The following EVX2 variants were observed in gnomAD, a reference collection of about 807,000 sequenced individuals.
EVX2 encodes homeobox even-skipped homolog protein 2.
In EVX2, 10 loss-of-function variants were observed where a neutral mutation model predicts 19.2. The observed-to-expected ratio is 0.52, with a 90% CI of 0.32 to 0.89. EVX2 has a LOEUF of 0.89. Ranked by LOEUF, EVX2 falls within the 40% of genes least tolerant of loss-of-function variation. The probability of loss-of-function intolerance (pLI) is 0.03; values close to 1 mark genes in which losing one functional copy is unlikely to be tolerated. For synonymous variants in EVX2, 354 were observed against 328.4 expected, an observed-to-expected ratio of 1.08 and a Z score of -0.84; for missense variants, 710 against 694.9, an observed-to-expected ratio of 1.02 and a Z score of -0.24.
In EVX2 at chr2:176,077,976, A is replaced by G. The variant is rs191041336; in HGVS notation, c.*2131T>C. 1.6e-4 allele frequency: 24 copies of G among 152,256 alleles called. No homozygotes were observed. Among genetic ancestry groups the G allele is most frequent in the African/African-American group, 5.8e-4 (24 of 41,572 alleles). 9.4% of individuals were successfully genotyped at this position (152,256 alleles called of 1,614,324 possible). On this transcript the variant is annotated 3_prime_UTR_variant, in exon 3 of 3. Coordinates refer to ENST00000308618, the MANE Select transcript of EVX2 (RefSeq NM_001080458.2). ...AAAACTTAAGTTTTAGATCATTGCTATTTCATTGGAAAGTTCTCTAATATT... is the reference window on the plus strand; with the variant it reads ...AAAACTTAAGTTTTAGATCATTGCTGTTTCATTGGAAAGTTCTCTAATATT...
rs928380937 is a variant in EVX2, at chr2:176,081,898, C to T, written c.699+280G>A. 3.9e-5 allele frequency among the ~76,000 whole-genome samples: 6 copies of T among 152,244 alleles called. No homozygotes were observed. The highest frequency in any genetic ancestry group is 1.4e-4 in the African/African-American group (6 of 41,536). The stretch of plus-strand genomic sequence containing the variant: ...GGGAAAGTGGGGCCGTGGGTATGGG[C>T]GAGGGGGCATCTGGCCAGGCGTTGG... On this transcript the variant is annotated intron_variant, in intron 2 of 2. Transcript: ENST00000308618. This position sits in a 1 kb window ranked among gnomAD's most constrained non-coding sequence, Gnocchi z 5.9.
In EVX2 at chr2:176,080,108, T is replaced by C; in HGVS notation, c.1430A>G (p.Ter477=). The change falls in exon 3 of 3, where the codon TAA becomes TGA. Residue 477 remains the stop codon, a stop_retained_variant. Coordinates refer to ENST00000308618, the MANE Select transcript of EVX2 (RefSeq NM_001080458.2). The surrounding 1 kb of genome is among the most constrained non-coding windows in gnomAD (Gnocchi z 7.0). ...GGCCCCCTGGCGGTGGCGACGTAGT[T>C]ATCTGGTGAGCGGAGCCTCGTCCCT... ...DQRDEAPLTR[*] 1 of 1,539,330 alleles carries C rather than the reference T, an allele frequency of 6.5e-7. No homozygotes were observed. Among genetic ancestry groups the C allele is most frequent in the Non-Finnish European group, 8.7e-7 (1 of 1,147,142 alleles).
rs1025957674 is a variant in EVX2, at chr2:176,081,162, T to G, written c.700-324A>C. On this transcript the variant is annotated intron_variant, in intron 2 of 2. Coordinates refer to ENST00000308618, the MANE Select transcript of EVX2 (RefSeq NM_001080458.2). This position sits in a 1 kb window ranked among gnomAD's most constrained non-coding sequence, Gnocchi z 5.9. Reference sequence around the variant, plus strand: ...TCCTCTCCCTCCCGCCACCCACCAGTGCCGGTCTCGCTGAGCACCCGTCTC... The same window carrying G: ...TCCTCTCCCTCCCGCCACCCACCAGGGCCGGTCTCGCTGAGCACCCGTCTC... 6.6e-6 allele frequency among the ~76,000 whole-genome samples: 1 copy of G among 152,152 alleles called. No homozygotes were observed. Among genetic ancestry groups the G allele is most frequent in the Non-Finnish European group, 1.5e-5 (1 of 68,032 alleles).
chr2:176,083,451 G>A lies in EVX2; in HGVS notation c.326C>T (p.Ala109Val). 1 of 1,614,082 alleles carries A rather than the reference G, an allele frequency of 6.2e-7. No individual in the cohort carries two copies. The highest frequency in any genetic ancestry group is 8.5e-7 in the Non-Finnish European group (1 of 1,180,014). ...GTCGCTGCTCATGTCGGCCTCAGCG[G>A]CCGCCTCTGAATAATGGCCCGGCTT... is the stretch of plus-strand genomic sequence containing the variant. ...RKKPGHYSEAAAEADMSSDVE... is the reference protein window; with the variant it reads ...RKKPGHYSEAVAEADMSSDVE... Residue 109 changes from alanine to valine, a missense_variant, in exon 1 of 3, where the codon GCC becomes GTC. Ala to Val is a moderately conservative substitution (Grantham distance 64). Transcript: ENST00000308618. This position sits in a 1 kb window ranked among gnomAD's most constrained non-coding sequence, Gnocchi z 4.4.
At position 176,077,738 on chromosome 2, in the gene EVX2, G is replaced by C. The variant is rs986793544; in HGVS notation, c.*2369C>G. 2 of 152,054 alleles carry C rather than the reference G, an allele frequency of 1.3e-5. No individual in the cohort carries two copies. The highest frequency in any genetic ancestry group is 2.4e-5 in the African/African-American group (1 of 41,390). The allele number at this position is 152,054 out of a possible 1,614,324, so 9.4% of individuals were successfully genotyped here. ...TTTTGGGGGAAATGTAAACATTACT[G>C]CCTAAAGTACCTTATATACATCTGT... is the stretch of plus-strand genomic sequence containing the variant. On this transcript the variant is annotated 3_prime_UTR_variant, in exon 3 of 3. Coordinates refer to ENST00000308618, the MANE Select transcript of EVX2 (RefSeq NM_001080458.2).
At position 176,080,096 on chromosome 2, in the gene EVX2, TGGCGACG is replaced by T. The variant is rs1689109016; in HGVS notation, c.*4_*10del. The T allele has an allele frequency of 6.6e-7, 1 of 1,516,304 alleles. No homozygotes were observed. The highest frequency in any genetic ancestry group is 8.8e-7 in the Non-Finnish European group (1 of 1,135,804). 93.9% of individuals were successfully genotyped at this position (1,516,304 alleles called of 1,614,324 possible). A position where few individuals can be genotyped will look rare whatever the true frequency, so the allele number is the denominator to read the frequency against. ...AGAGGCGGGCGCGGCCCCCTGGCGG[TGGCGACG>T]TAGTTATCTGGTGAGCGGAGCCTCG... On this transcript the variant is annotated 3_prime_UTR_variant, in exon 3 of 3. Coordinates refer to ENST00000308618, the MANE Select transcript of EVX2 (RefSeq NM_001080458.2). This position sits in a 1 kb window ranked among gnomAD's most constrained non-coding sequence, Gnocchi z 7.0.
rs1456742977 is a variant in EVX2, at chr2:176,083,852, A to C, written c.-76T>G. Reference sequence around the variant, plus strand: ...TAGGCTGCGCCTAGGGCTAATTCTCATTCAGCCCCAGCGAACGCCTCTAAA... The same window carrying C: ...TAGGCTGCGCCTAGGGCTAATTCTCCTTCAGCCCCAGCGAACGCCTCTAAA... On this transcript the variant is annotated 5_prime_UTR_variant, in exon 1 of 3. The change abolishes an upstream ATG in the 5' untranslated region. Transcript: ENST00000308618. This position sits in a 1 kb window ranked among gnomAD's most constrained non-coding sequence, Gnocchi z 4.4. 3 of 1,297,212 alleles carry C rather than the reference A, an allele frequency of 2.3e-6. No homozygotes were observed. The highest frequency in any genetic ancestry group is 4.2e-5 in the Admixed American group (2 of 47,476). The allele number at this position is 1,297,212 out of a possible 1,614,324, so 80.4% of individuals were successfully genotyped here. A position where few individuals can be genotyped will look rare whatever the true frequency, so the allele number is the denominator to read the frequency against.
rs1460820045 is a variant in EVX2 at position 176,083,133 on chromosome 2, G to T, written c.427+217C>A. Among the ~76,000 whole-genome samples, 1 of 152,108 alleles carries T rather than the reference G, an allele frequency of 6.6e-6. No individual in the cohort carries two copies. The highest frequency in any genetic ancestry group is 1.5e-5 in the Non-Finnish European group (1 of 68,028). ...AGGAGCGAGGGCGGGTGGGCCTGGT[G>T]TTCCAGGCTCCGCAGGCCTGAGCCT... On this transcript the variant is annotated intron_variant, in intron 1 of 2. Coordinates refer to ENST00000308618, the MANE Select transcript of EVX2 (RefSeq NM_001080458.2). This position sits in a 1 kb window ranked among gnomAD's most constrained non-coding sequence, Gnocchi z 4.4.
rs1413093588 is a variant in EVX2, at chr2:176,078,097, A to G, written c.*2010T>C. 3.9e-5 allele frequency: 6 copies of G among 152,204 alleles called. No individual in the cohort carries two copies. The highest frequency in any genetic ancestry group is 7.4e-5 in the Non-Finnish European group (5 of 68,018). 9.4% of individuals were successfully genotyped at this position (152,204 alleles called of 1,614,324 possible). On this transcript the variant is annotated 3_prime_UTR_variant, in exon 3 of 3. Coordinates refer to ENST00000308618, the MANE Select transcript of EVX2 (RefSeq NM_001080458.2). ...TGGAAATAATTTCTCCTGGAAAACT[A>G]ATTCTTTCAAAAGTTTACTGAAAGC... is the stretch of plus-strand genomic sequence containing the variant.
chr2:176,082,083 A>T lies in EVX2; in HGVS notation c.699+95T>A. ...CCCGCGGATTTCCAGACCCTTAGCT[A>T]AATCTAGCCACCCAGAAAGGGGAAA... is the stretch of plus-strand genomic sequence containing the variant. On this transcript the variant is annotated intron_variant, in intron 2 of 2. Coordinates refer to ENST00000308618, the MANE Select transcript of EVX2 (RefSeq NM_001080458.2). This position sits in a 1 kb window ranked among gnomAD's most constrained non-coding sequence, Gnocchi z 5.2. 7.3e-7 allele frequency: 1 copy of T among 1,363,568 alleles called. No individual in the cohort carries two copies. Among genetic ancestry groups the T allele is most frequent in the Non-Finnish European group, 9.7e-7 (1 of 1,036,164 alleles). 84.5% of individuals were successfully genotyped at this position (1,363,568 alleles called of 1,614,324 possible).
rs1689138959 is a variant in EVX2 at position 176,080,912 on chromosome 2, C to T, written c.700-74G>A. The T allele has an allele frequency of 6.6e-7, 1 of 1,512,904 alleles. No individual in the cohort carries two copies. The highest frequency in any genetic ancestry group is 8.8e-7 in the Non-Finnish European group (1 of 1,131,260). 93.7% of individuals were successfully genotyped at this position (1,512,904 alleles called of 1,614,324 possible). On this transcript the variant is annotated intron_variant, in intron 2 of 2. Transcript: ENST00000308618. This position sits in a 1 kb window ranked among gnomAD's most constrained non-coding sequence, Gnocchi z 7.0. ...CCCAGCTCCTGTCCCAGGACCTCTG[C>T]CCCTTCCGGACCTCTGAATGGCTTG...
At position 176,082,058 on chromosome 2, in the gene EVX2, C is replaced by G; in HGVS notation, c.699+120G>C. 1 of 1,116,560 alleles carries G rather than the reference C, an allele frequency of 9.0e-7. No individual in the cohort carries two copies. Among genetic ancestry groups the G allele is most frequent in the Non-Finnish European group, 1.2e-6 (1 of 819,522 alleles). The allele number at this position is 1,116,560 out of a possible 1,614,324, so 69.2% of individuals were successfully genotyped here. Reference sequence around the variant, plus strand: ...AAGCCAATTCCTTTGGTGACTACCCCCCGCGGATTTCCAGACCCTTAGCTA... The same window carrying G: ...AAGCCAATTCCTTTGGTGACTACCCGCCGCGGATTTCCAGACCCTTAGCTA... On this transcript the variant is annotated intron_variant, in intron 2 of 2. Coordinates refer to ENST00000308618, the MANE Select transcript of EVX2 (RefSeq NM_001080458.2). This position sits in a 1 kb window ranked among gnomAD's most constrained non-coding sequence, Gnocchi z 5.2.
rs748220915 is a variant in EVX2 at position 176,083,771 on chromosome 2, C to T, written c.6G>A (p.Met2Ile). The stretch of plus-strand genomic sequence containing the variant: ...GAATCATCTCTTTTCTTATTCTTTC[C>T]ATCATCTCAGCTTTCTTAAAAATGT... MMERIRKEMILM... is the reference protein window; with the variant it reads MIERIRKEMILM... The change falls in exon 1 of 3, where the codon ATG becomes ATA. Residue 2 changes from methionine to isoleucine, a missense_variant. Transcript: ENST00000308618. This position sits in a 1 kb window ranked among gnomAD's most constrained non-coding sequence, Gnocchi z 4.4. 10 of 1,608,552 alleles carry T rather than the reference C, an allele frequency of 6.2e-6. No homozygotes were observed. Among genetic ancestry groups the T allele is most frequent in the Non-Finnish European group, 7.6e-6 (9 of 1,177,324 alleles).
rs78938216 is a variant in EVX2 at position 176,080,039 on chromosome 2, G to C, written c.*68C>G. ...AGCGGGCAACGCGCGGAGGGCTCAG[G>C]GGGCGCACAGGGGACTCCCGGGCAC... On this transcript the variant is annotated 3_prime_UTR_variant, in exon 3 of 3. Coordinates refer to ENST00000308618, the MANE Select transcript of EVX2 (RefSeq NM_001080458.2). This position sits in a 1 kb window ranked among gnomAD's most constrained non-coding sequence, Gnocchi z 7.0. 4,672 of 1,407,542 alleles carry C rather than the reference G, an allele frequency of 3.3e-3. 143 individuals carry two copies. The African/African-American group carries it at 0.061, about 18-fold the overall frequency. The allele number at this position is 1,407,542 out of a possible 1,614,324, so 87.2% of individuals were successfully genotyped here.
Position 176,082,079 on chromosome 2 carries a change from A to G in EVX2, c.699+99T>C. 1 of 1,325,648 alleles carries G rather than the reference A, an allele frequency of 7.5e-7. No individual in the cohort carries two copies. The highest frequency in any genetic ancestry group is 1.0e-6 in the Non-Finnish European group (1 of 1,002,564). The allele number at this position is 1,325,648 out of a possible 1,614,324, so 82.1% of individuals were successfully genotyped here. A position where few individuals can be genotyped will look rare whatever the true frequency, so the allele number is the denominator to read the frequency against. ...ACCCCCCGCGGATTTCCAGACCCTTAGCTAAATCTAGCCACCCAGAAAGGG... is the reference window on the plus strand; with the variant it reads ...ACCCCCCGCGGATTTCCAGACCCTTGGCTAAATCTAGCCACCCAGAAAGGG... On this transcript the variant is annotated intron_variant, in intron 2 of 2. Coordinates refer to ENST00000308618, the MANE Select transcript of EVX2 (RefSeq NM_001080458.2). The surrounding 1 kb of genome is among the most constrained non-coding windows in gnomAD (Gnocchi z 5.2).
Position 176,082,908 on chromosome 2 carries a change from C to T in EVX2, c.427+442G>A, listed in dbSNP as rs752175053. On this transcript the variant is annotated intron_variant, in intron 1 of 2. Coordinates refer to ENST00000308618, the MANE Select transcript of EVX2 (RefSeq NM_001080458.2). This position sits in a 1 kb window ranked among gnomAD's most constrained non-coding sequence, Gnocchi z 5.2. ...ATATACTTTTCAACTCTTTCTCCCG[C>T]TGACCTAAACAGAGACGCCGGCGAG... 2.8e-4 allele frequency among the ~76,000 whole-genome samples: 43 copies of T among 152,346 alleles called. No individual in the cohort carries two copies. Among genetic ancestry groups the T allele is most frequent in the African/African-American group, 9.9e-4 (41 of 41,582 alleles).
In EVX2 at chr2:176,079,972, G is replaced by T; in HGVS notation, c.*135C>A. 1.0e-6 allele frequency: 1 copy of T among 987,566 alleles called. No individual in the cohort carries two copies. The highest frequency in any genetic ancestry group is 4.3e-5 in the Admixed American group (1 of 23,192). 61.2% of individuals were successfully genotyped at this position (987,566 alleles called of 1,614,324 possible). ...CCCCAATTCGGAGCAGGTTCCCTTC[G>T]GCCTCCCGCGCCCCGGGGCGCCCCC... On this transcript the variant is annotated 3_prime_UTR_variant, in exon 3 of 3. Transcript: ENST00000308618. This position sits in a 1 kb window ranked among gnomAD's most constrained non-coding sequence, Gnocchi z 4.4.
Position 176,082,492 on chromosome 2 carries a change from C to A in EVX2, c.428-43G>T, listed in dbSNP as rs1689163485. 1.3e-6 allele frequency: 2 copies of A among 1,495,456 alleles called. No homozygotes were observed. The highest frequency in any genetic ancestry group is 1.8e-6 in the Non-Finnish European group (2 of 1,125,446). 92.6% of individuals were successfully genotyped at this position (1,495,456 alleles called of 1,614,324 possible). ...AACAGCGCATGAGTGGCTGTAGGAC[C>A]AACAGCCCGGCGCTGGCGCTGCGCG... On this transcript the variant is annotated intron_variant, in intron 1 of 2. Transcript: ENST00000308618. This position sits in a 1 kb window ranked among gnomAD's most constrained non-coding sequence, Gnocchi z 5.2.
chr2:176,079,265 A>C lies in EVX2; in HGVS notation c.*842T>G, dbSNP rs957993299. 1 of 152,034 alleles carries C rather than the reference A, an allele frequency of 6.6e-6. No individual in the cohort carries two copies. Among genetic ancestry groups the C allele is most frequent in the African/African-American group, 2.4e-5 (1 of 41,354 alleles). The allele number at this position is 152,034 out of a possible 1,614,324, so 9.4% of individuals were successfully genotyped here. A position where few individuals can be genotyped will look rare whatever the true frequency, so the allele number is the denominator to read the frequency against. On this transcript the variant is annotated 3_prime_UTR_variant, in exon 3 of 3. Coordinates refer to ENST00000308618, the MANE Select transcript of EVX2 (RefSeq NM_001080458.2). The surrounding 1 kb of genome is among the most constrained non-coding windows in gnomAD (Gnocchi z 4.4). The stretch of plus-strand genomic sequence containing the variant: ...TCCTTTCCCTTCCCTGGCCGTGGCA[A>C]CCTCTTTTGCCATCACTTTTTGCAT...
Sources: allele counts gnomAD v4.1 joint callset (sites outside exome capture counted in the v4.1 genomes callset), GRCh38; gene constraint gnomAD v4.1.1; non-coding constraint Gnocchi (gnomAD v3.1); transcripts MANE v1.5; gene names NCBI Gene and HGNC (gene_info 2026-07-23, HGNC 2026-07-21).